ATRNL1: variants seen among roughly 807,000 people sequenced by gnomAD.
ATRNL1 encodes the protein attractin like 1.
A neutral mutation model predicts 182.7 loss-of-function variants in ATRNL1; 95 were observed. The ratio of observed to expected loss-of-function variants is 0.52; its 90% CI spans 0.44 to 0.62. The LOEUF is 0.62. Among genes scored for constraint, ATRNL1 ranks in the 20% least tolerant of loss-of-function variants. The pLI is 0.00. For missense variants in ATRNL1, 1,471 were observed against 1,679.5 expected, an observed-to-expected ratio of 0.88 and a Z score of 2.17; for synonymous variants, 576 against 568.3, an observed-to-expected ratio of 1.01 and a Z score of -0.19.
At chr10:115,333,748 A>G (rs548159011) in intron 18 of ATRNL1, among the ~76,000 whole-genome samples, 1 of 152,164 alleles carries the variant, frequency 6.6e-6, no homozygotes, top group South Asian at 2.1e-4. Flanking sequence ...CGGCCTCCCA[A>G]AGTGCTGGGA....
intron 26 of ATRNL1, among the ~76,000 whole-genome samples, chr10:115,717,473 G>T (rs190258927): frequency 1.3e-5 from 2 of 148,632 alleles, no homozygotes; most frequent in African/African-American, 4.9e-5. Flanking sequence ...GCTTCTTTCT[G>T]TCTGTTTCTT....
At chr10:115,863,116 G>C (rs936696472) in intron 28 of ATRNL1, among the ~76,000 whole-genome samples, 22 of 152,120 alleles carry the variant, frequency 1.4e-4, no homozygotes, top group African/African-American at 5.1e-4. Flanking sequence ...AGCAATGAGA[G>C]GGGGAGTTGG....
intron 15 of ATRNL1, among the ~76,000 whole-genome samples, chr10:115,293,379 C>T (rs1001177245): frequency 9.9e-5 from 15 of 152,002 alleles, no homozygotes; most frequent in African/African-American, 2.9e-4. Context: ...GAGAATTATT[C>T]CTATCAATTT....
At chr10:115,314,563 A>G (rs936850897) in intron 17 of ATRNL1, among the ~76,000 whole-genome samples, 2 of 152,164 alleles carry the variant, frequency 1.3e-5, no homozygotes, top group East Asian at 1.9e-4. Flanking sequence ...AGTATCTTCT[A>G]TTTATAAACA....
At chr10:115,157,496 A>C (rs1554882358) in intron 5 of ATRNL1, among the ~76,000 whole-genome samples, 1 of 151,980 alleles carries the variant, frequency 6.6e-6, no homozygotes, top group African/African-American at 2.4e-5. Flanking sequence ...TAAAATAAAG[A>C]CAACATATAG....
At chr10:115,573,802 A>T (rs1854545521) in intron 26 of ATRNL1, among the ~76,000 whole-genome samples, 1 of 152,162 alleles carries the variant, frequency 6.6e-6, no homozygotes. Flanking sequence ...TGATAGATAA[A>T]TTGGTTAGGA....
At chr10:115,136,114 T>G (rs1845503385) in intron 5 of ATRNL1, among the ~76,000 whole-genome samples, 1 of 152,066 alleles carries the variant, frequency 6.6e-6, no homozygotes, top group Admixed American at 6.6e-5. Context: ...TCCTCCCACC[T>G]TGGCCTTTAG....
chr10:115,816,441 A>G (rs1382142768), intron 27 of ATRNL1, among the ~76,000 whole-genome samples: 2 of 152,202 alleles, frequency 1.3e-5, no homozygotes, highest in African/African-American at 4.8e-5. Flanking sequence ...CGGGGCACTC[A>G]TAAGAATTTC....
chr10:115,093,942 G>A lies in ATRNL1; in HGVS notation c.192G>A (p.Glu64=). ...YAQVSQSKPC[E]RTGSCFSGRC... ...AGGTGTCCCAGTCCAAGCCGTGCGAGAGGACCGGCTCCTGCTTCTCGGGCC... is the reference window on the plus strand; with the variant it reads ...AGGTGTCCCAGTCCAAGCCGTGCGAAAGGACCGGCTCCTGCTTCTCGGGCC... Residue 64 remains glutamate, a synonymous_variant, in exon 1 of 29, where the codon GAG becomes GAA. Transcript: ENST00000355044. This position sits in a 1 kb window ranked among gnomAD's most constrained non-coding sequence, Gnocchi z 6.1. 1 of 1,595,636 alleles carries A rather than the reference G, an allele frequency of 6.3e-7. No homozygotes were observed. The highest frequency in any genetic ancestry group is 2.3e-5 in the East Asian group (1 of 43,066).
chr10:115,093,711 C>G lies in ATRNL1; in HGVS notation c.-40C>G. 1 of 1,418,554 alleles carries G rather than the reference C, an allele frequency of 7.0e-7. No individual in the cohort carries two copies. The highest frequency in any genetic ancestry group is 1.5e-5 in the South Asian group (1 of 67,504). 87.9% of individuals were successfully genotyped at this position (1,418,554 alleles called of 1,614,324 possible). On this transcript the variant is annotated 5_prime_UTR_variant, in exon 1 of 29. Coordinates refer to ENST00000355044, the MANE Select transcript of ATRNL1 (RefSeq NM_207303.4). The surrounding 1 kb of genome is among the most constrained non-coding windows in gnomAD (Gnocchi z 6.1). The stretch of plus-strand genomic sequence containing the variant: ...CCCTTCAACAGCATCCCTGTCGGCG[C>G]CCGCGAGCGCAGTCTCGCCGGGCAG...
chr10:115,286,587 ACT>A (rs1554919046), intron 15 of ATRNL1, among the ~76,000 whole-genome samples, 190 bp downstream of exon 15: 1 of 152,024 alleles, frequency 6.6e-6, no homozygotes, highest in Non-Finnish European at 1.5e-5. Context: ...GTAAATTATC[ACT>A]TTTTGCAGAG....
intron 25 of ATRNL1, among the ~76,000 whole-genome samples, chr10:115,544,043 C>G (rs1187987472): frequency 6.6e-6 from 1 of 152,090 alleles, no homozygotes; most frequent in Non-Finnish European, 1.5e-5. Context: ...CCATCAATAT[C>G]TATATCATGG....
At chr10:115,884,125 A>G (rs948674664) in intron 28 of ATRNL1, among the ~76,000 whole-genome samples, 3 of 152,236 alleles carry the variant, frequency 2.0e-5, no homozygotes, top group Admixed American at 1.3e-4. Flanking sequence ...CCTTACCTTT[A>G]CATGGCTGTT....
chr10:115,431,401 T>TAAAAAAAAAAA (rs3981285), intron 21 of ATRNL1, among the ~76,000 whole-genome samples: 1 of 110,846 alleles, frequency 9.0e-6, no homozygotes, highest in Non-Finnish European at 2.0e-5. Context: ...AGAGTGAAAC[T>TAAAAAAAAAAA]AAAAAAAAAA....
At chr10:115,671,106 G>A (rs1192879430) in intron 26 of ATRNL1, among the ~76,000 whole-genome samples, 1 of 152,086 alleles carries the variant, frequency 6.6e-6, no homozygotes, top group African/African-American at 2.4e-5. Flanking sequence ...GTGTCAGAAG[G>A]ACTGTGTGGT....
chr10:115,170,846 C>G (rs954495090), intron 7 of ATRNL1, among the ~76,000 whole-genome samples, 191 bp from the exon 8 acceptor site: 6 of 151,842 alleles, frequency 4.0e-5, no homozygotes, highest in Non-Finnish European at 5.9e-5. Flanking sequence ...TGTTTCCCCC[C>G]CTTTTTGTAT....
chr10:115,567,786 A>C (rs1200804765), intron 26 of ATRNL1, among the ~76,000 whole-genome samples: 1 of 152,160 alleles, frequency 6.6e-6, no homozygotes, highest in Non-Finnish European at 1.5e-5. Context: ...AATAGCAGTT[A>C]GTTTAATGAG....
In ATRNL1 at chr10:115,344,108, C is replaced by T. The variant is rs533051507; in HGVS notation, c.3175+9689C>T. The stretch of plus-strand genomic sequence containing the variant: ...CCAGCACAACATTGGATCTTGCCTA[C>T]AGCCTGCTGTATGCACTCACTGGTT... On this transcript the variant is annotated intron_variant, in intron 19 of 28. Transcript: ENST00000355044. Among the ~76,000 whole-genome samples, 3 of 152,264 alleles carry T rather than the reference C, an allele frequency of 2.0e-5. No homozygotes were observed. The South Asian group carries it at 6.2e-4, about 32-fold the overall frequency.
At chr10:115,162,585 A>G (rs1227164295) in intron 6 of ATRNL1, among the ~76,000 whole-genome samples, 4 of 151,484 alleles carry the variant, frequency 2.6e-5, no homozygotes, top group Non-Finnish European at 4.4e-5. Context: ...GTTGATCCAT[A>G]TTTTAAAAGT....
Sources: allele counts gnomAD v4.1 joint callset (sites outside exome capture counted in the v4.1 genomes callset), GRCh38; gene constraint gnomAD v4.1.1; non-coding constraint Gnocchi (gnomAD v3.1); transcripts MANE v1.5; gene names NCBI Gene and HGNC (gene_info 2026-07-23, HGNC 2026-07-21).